The following ZSWIM9 variants were observed in gnomAD, a reference collection of about 807,000 sequenced individuals.
The protein encoded by ZSWIM9 is zinc finger SWIM-type containing 9, also known as uncharacterized protein ZSWIM9.
A neutral mutation model predicts 25.0 loss-of-function variants in ZSWIM9; 11 were observed. That is an observed-to-expected ratio of 0.44 (90% CI 0.28 to 0.73). The LOEUF is 0.73. Ranked by LOEUF, ZSWIM9 falls within the 30% of genes least tolerant of loss-of-function variation. The pLI, the probability that ZSWIM9 is intolerant of heterozygous loss-of-function variation, is 0.16. For missense variants in ZSWIM9, 1,070 were observed against 1,296.5 expected (o/e 0.83, Z 2.68); for synonymous variants, 562 against 582.1 (o/e 0.97, Z 0.50).
intron 2 of ZSWIM9, among the ~76,000 whole-genome samples, chr19:48,175,372 T>A (rs751610652): frequency 6.6e-6 from 1 of 152,080 alleles, no homozygotes; most frequent in African/African-American, 2.4e-5. Context: ...CCGTCATGTC[T>A]AGCTCCCTCA....
chr19:48,196,925 T>C lies in ZSWIM9; in HGVS notation c.*98T>C. On this transcript the variant is annotated 3_prime_UTR_variant, in exon 4 of 4. Coordinates refer to ENST00000614654, the MANE Select transcript of ZSWIM9 (RefSeq NM_199341.4). ...GCTGAGGCCAAGGAGACCGTTGCAG[T>C]CCCCCTGGCCACCTTCTGGGTCATC... is the stretch of plus-strand genomic sequence containing the variant. 1 of 1,190,184 alleles carries C rather than the reference T, an allele frequency of 8.4e-7. No individual in the cohort carries two copies. The highest frequency in any genetic ancestry group is 1.1e-6 in the Non-Finnish European group (1 of 937,406). 73.7% of individuals were successfully genotyped at this position (1,190,184 alleles called of 1,614,324 possible). A position where few individuals can be genotyped will look rare whatever the true frequency, so the allele number is the denominator to read the frequency against.
intron 3 of ZSWIM9, among the ~76,000 whole-genome samples, chr19:48,183,507 C>A (rs2036977359): frequency 6.6e-6 from 1 of 152,056 alleles, no homozygotes; most frequent in Admixed American, 6.6e-5. Flanking sequence ...CCAGAACGCC[C>A]CTGCAGTTCT....
rs1312392269 is a variant in ZSWIM9, at chr19:48,195,009, G to T, written c.945G>T (p.Gln315His). 3 of 1,361,484 alleles carry T rather than the reference G, an allele frequency of 2.2e-6. No homozygotes were observed. The highest frequency in any genetic ancestry group is 7.2e-5 in the East Asian group (2 of 27,966). 84.3% of individuals were successfully genotyped at this position (1,361,484 alleles called of 1,614,324 possible). ...VRQLLPCARV[Q>H]ICRAQGLETL... ...AGCTGCTGCCCTGCGCGCGCGTGCA[G>T]ATCTGCCGCGCGCAGGGCCTGGAGA... is the stretch of plus-strand genomic sequence containing the variant. The change falls in exon 4 of 4, where the codon CAG (glutamine) becomes CAT (histidine). Residue 315 changes from glutamine (Q) to histidine (H), a missense_variant. This residue lies in a region of ZSWIM9 where 184 missense variants were observed against 243.1 expected (regional missense o/e 0.76). Transcript: ENST00000614654. This position sits in a 1 kb window ranked among gnomAD's most constrained non-coding sequence, Gnocchi z 5.8.
At chr19:48,181,440 G>A (rs2036947762) in intron 2 of ZSWIM9, 1 of 152,184 alleles carries the variant, frequency 6.6e-6, no homozygotes, top group South Asian at 2.1e-4. Flanking sequence ...GTAATGGTGT[G>A]TTCATTCTTG....
chr19:48,185,586 C>A (rs10401484), intron 3 of ZSWIM9, among the ~76,000 whole-genome samples: 8,824 of 152,238 alleles, frequency 0.058, 616 homozygotes, highest in East Asian at 0.16. Context: ...ACATCCTGTC[C>A]CCCAGGTCCC....
intron 2 of ZSWIM9, among the ~76,000 whole-genome samples, chr19:48,172,704 T>TG (rs967605858): frequency 3.3e-5 from 5 of 152,012 alleles, no homozygotes; most frequent in African/African-American, 1.2e-4. Context: ...TTTGTAGAGA[T>TG]GGGGTTTCAC....
At position 48,195,192 on chromosome 19, in the gene ZSWIM9, C is replaced by T. The variant is rs1190191572; in HGVS notation, c.1128C>T (p.Tyr376=). 2.0e-5 allele frequency: 30 copies of T among 1,525,296 alleles called. No homozygotes were observed. Among genetic ancestry groups the T allele is most frequent in the Non-Finnish European group, 2.5e-5 (29 of 1,140,890 alleles). The allele number at this position is 1,525,296 out of a possible 1,614,324, so 94.5% of individuals were successfully genotyped here. Residue 376 remains tyrosine (Y), a synonymous_variant, in exon 4 of 4, where the codon TAC becomes TAT. Transcript: ENST00000614654. This position sits in a 1 kb window ranked among gnomAD's most constrained non-coding sequence, Gnocchi z 5.8. ...ACGGCCCAGCCGCCTTCGTGGACTA[C>T]TTCGAGCGCAACTGGGAGCCCCGCC... ...HAHGPAAFVD[Y]FERNWEPRRD...
At chr19:48,191,314 C>T (rs1240820874) in intron 3 of ZSWIM9, among the ~76,000 whole-genome samples, 2 of 152,144 alleles carry the variant, frequency 1.3e-5, no homozygotes, top group East Asian at 3.9e-4. Context: ...AAGCAATTCT[C>T]CTGTCTCAGC....
At chr19:48,185,423 C>T (rs1310816143) in intron 3 of ZSWIM9, among the ~76,000 whole-genome samples, 1 of 152,192 alleles carries the variant, frequency 6.6e-6, no homozygotes, top group African/African-American at 2.4e-5. Context: ...GCATGAGCCA[C>T]CGTGCCCAGC....
intron 3 of ZSWIM9, among the ~76,000 whole-genome samples, chr19:48,190,215 A>AAC (rs1555787618): frequency 6.6e-6 from 1 of 151,550 alleles, no homozygotes; most frequent in African/African-American, 2.4e-5. Flanking sequence ...AAAAAAAAAA[A>AAC]AAGAAAGAAA....
At chr19:48,173,925 G>T (rs1350011507) in intron 2 of ZSWIM9, among the ~76,000 whole-genome samples, 26 of 152,196 alleles carry the variant, frequency 1.7e-4, no homozygotes, top group Non-Finnish European at 2.9e-5. Context: ...ACGGTGCCTG[G>T]TCTGACCCCA....
chr19:48,195,375 C>A lies in ZSWIM9; in HGVS notation c.1311C>A (p.Asp437Glu), dbSNP rs1328220211. 3 of 1,507,204 alleles carry A rather than the reference C, an allele frequency of 2.0e-6. No individual in the cohort carries two copies. Among genetic ancestry groups the A allele is most frequent in the South Asian group, 2.5e-5 (2 of 79,768 alleles). The allele number at this position is 1,507,204 out of a possible 1,614,324, so 93.4% of individuals were successfully genotyped here. A position where few individuals can be genotyped will look rare whatever the true frequency, so the allele number is the denominator to read the frequency against. ...ACCTGGTGGCCATGCAGTGGGCCGA[C>A]GCGGCCGGGGAGGCGGTGCCCGAGG... ...LRDLVAMQWA[D>E]AAGEAVPEGP... Residue 437 changes from aspartate (D) to glutamate (E), a missense_variant, in exon 4 of 4, where the codon GAC becomes GAA. Asp to Glu is a conservative substitution (Grantham distance 45, BLOSUM62 2). Around this residue, in one of 4 missense-constraint regions of ZSWIM9, gnomAD observed 583 missense variants for 624.7 expected, o/e 0.93. Transcript: ENST00000614654. The surrounding 1 kb of genome is among the most constrained non-coding windows in gnomAD (Gnocchi z 5.8).
chr19:48,189,846 C>G (rs2037073520), intron 3 of ZSWIM9, among the ~76,000 whole-genome samples: 1 of 152,118 alleles, frequency 6.6e-6, no homozygotes, highest in South Asian at 2.1e-4. Context: ...TATCGCTTTA[C>G]ATTATTTGAC....
chr19:48,181,560 C>T (rs1037803426), intron 2 of ZSWIM9: 9 of 152,220 alleles, frequency 5.9e-5, no homozygotes, highest in Admixed American at 6.5e-5. Flanking sequence ...CTGCTATGAA[C>T]ATTCTCGTAC....
chr19:48,191,362 G>A (rs778600370), intron 3 of ZSWIM9, among the ~76,000 whole-genome samples: 14 of 151,918 alleles, frequency 9.2e-5, no homozygotes, highest in African/African-American at 2.2e-4. Context: ...GCACCACCAC[G>A]CCCAGCTAAT....
At chr19:48,178,675 C>T (rs568659971) in intron 2 of ZSWIM9, among the ~76,000 whole-genome samples, 3 of 152,184 alleles carry the variant, frequency 2.0e-5, no homozygotes, top group African/African-American at 4.8e-5. Flanking sequence ...CTCCTGGGTT[C>T]AAGCGATCTC....
chr19:48,170,782 G>A (rs959423722), intron 1 of ZSWIM9, 68 bp downstream of exon 1: 4 of 161,008 alleles, frequency 2.5e-5, no homozygotes, highest in South Asian at 2.6e-4. Flanking sequence ...GTGGGACGGC[G>A]GGGCTGGAAG....
chr19:48,177,771 G>A (rs1189739902), intron 2 of ZSWIM9, among the ~76,000 whole-genome samples: 3 of 152,214 alleles, frequency 2.0e-5, no homozygotes, highest in African/African-American at 7.2e-5. Flanking sequence ...CCGTGAACTT[G>A]CAATCTTGAT....
intron 3 of ZSWIM9, among the ~76,000 whole-genome samples, chr19:48,190,203 CA>C (rs34456808): frequency 0.43 from 55,675 of 130,396 alleles, 11,162 homozygotes; most frequent in East Asian, 0.57. Flanking sequence ...GACTCCATCT[CA>C]AAAAAAAAAA....
Sources: gnomAD v4.1 joint callset for allele counts (sites outside exome capture counted in the v4.1 genomes callset) on GRCh38, gnomAD v4.1.1 for gene constraint, gnomAD v4.1.1 regional missense constraint, Gnocchi (gnomAD v3.1) non-coding constraint, MANE v1.5 for transcripts, NCBI Gene and HGNC (gene_info 2026-07-23, HGNC 2026-07-21) for gene names.